The following TENM3 variants were observed in gnomAD, a reference collection of about 807,000 sequenced individuals.
TENM3 encodes teneurin-3.
TENM3 carries 63 observed loss-of-function variants against 255.1 expected under a neutral mutation model. The ratio of observed to expected loss-of-function variants is 0.25; its 90% CI spans 0.20 to 0.30. TENM3 has a LOEUF of 0.30. Ranked by LOEUF, TENM3 falls within the 10% of genes least tolerant of loss-of-function variation. The probability of loss-of-function intolerance (pLI) is 1.00; values close to 1 mark genes in which losing one functional copy is unlikely to be tolerated. For missense variants in TENM3, 2,929 were observed against 3,461.1 expected (o/e 0.85, Z 3.86); for synonymous variants, 1,306 against 1,322.3 (o/e 0.99, Z 0.27).
the TENM3 span, among the ~76,000 whole-genome samples, chr4:182,018,265 C>G: frequency 6.6e-6 from 1 of 152,166 alleles, no homozygotes; most frequent in African/African-American, 2.4e-5. Context: ...GCCTTCTGTC[C>G]TCTATAGCCA....
intron 6 of TENM3, among the ~76,000 whole-genome samples, chr4:182,672,044 C>T (rs932567231): frequency 6.6e-6 from 1 of 152,152 alleles, no homozygotes; most frequent in African/African-American, 2.4e-5. Context: ...GTTCCTCAGC[C>T]TTCTGGACCC....
intron 3 of TENM3, among the ~76,000 whole-genome samples, chr4:182,360,027 G>A (rs865970827): frequency 1.7e-4 from 26 of 152,166 alleles, no homozygotes; most frequent in East Asian, 3.9e-4. Flanking sequence ...GGAGTTGAGC[G>A]GTTTTGAGTG....
At chr4:181,753,916 G>A in the TENM3 span, among the ~76,000 whole-genome samples, 3 of 152,124 alleles carry the variant, frequency 2.0e-5, no homozygotes, top group African/African-American at 7.2e-5. Flanking sequence ...TTCCTCAGCC[G>A]GCAGGCAACA....
chr4:182,552,977 T>G (rs1401456461), intron 3 of TENM3, among the ~76,000 whole-genome samples: 1 of 152,184 alleles, frequency 6.6e-6, no homozygotes, highest in African/African-American at 2.4e-5. Context: ...GAGCCAACAC[T>G]TGGTTCCGGG....
intron 3 of TENM3, among the ~76,000 whole-genome samples, chr4:182,473,994 T>C (rs1733418008): frequency 6.6e-6 from 1 of 152,160 alleles, no homozygotes; most frequent in Non-Finnish European, 1.5e-5. Flanking sequence ...TAAAATTGTA[T>C]TGGAAATGTA....
At chr4:182,293,631 T>C (rs11732243) in intron 1 of TENM3, among the ~76,000 whole-genome samples, 35,930 of 152,012 alleles carry the variant, frequency 0.24, 4,986 homozygotes, top group African/African-American at 0.37. Context: ...GGTATTCTGG[T>C]ACCCTCTGAC....
chr4:182,459,817 T>C (rs1248222439), intron 3 of TENM3, among the ~76,000 whole-genome samples: 1 of 152,176 alleles, frequency 6.6e-6, no homozygotes, highest in Admixed American at 6.5e-5. Flanking sequence ...TTTTCAGGAG[T>C]TGGGCATCAG....
the TENM3 span, among the ~76,000 whole-genome samples, chr4:182,043,302 C>T: frequency 6.6e-6 from 1 of 152,170 alleles, no homozygotes; most frequent in African/African-American, 2.4e-5. Context: ...AAAGGTGAGA[C>T]TTTCACGTTA....
chr4:182,633,735 A>G (rs948833681), intron 5 of TENM3, among the ~76,000 whole-genome samples: 8 of 152,240 alleles, frequency 5.3e-5, no homozygotes, highest in Non-Finnish European at 8.8e-5. Context: ...TCTGTGGCTT[A>G]GAGAGATGGC....
In TENM3 at chr4:182,526,250, G is replaced by T. The variant is rs559519113; in HGVS notation, c.512-74674G>T. Among the ~76,000 whole-genome samples the T allele has an allele frequency of 2.4e-4, 36 of 152,070 alleles. No homozygotes were observed. In the South Asian group the frequency reaches 7.5e-3, roughly 32 times the overall value. On this transcript the variant is annotated intron_variant, in intron 3 of 27. Transcript: ENST00000511685. ...CCACCTCAGCCTCCCAAAGTGCTGG[G>T]ATTACAGGCGTGAGCCACCGCGCCC... is the stretch of plus-strand genomic sequence containing the variant.
rs1017500318 is a variant in TENM3 at position 182,723,002 on chromosome 4, A to T, written c.2369-5963A>T. Among the ~76,000 whole-genome samples, 3 of 152,292 alleles carry T rather than the reference A, an allele frequency of 2.0e-5. 1 individual carries two copies. On this transcript the variant is annotated intron_variant, in intron 13 of 27. Transcript: ENST00000511685. ...GGTGGAACCATTCATTGAAATAGGAAATTGAGCAGCAGCGTATTTGGAGGA... is the reference window on the plus strand; with the variant it reads ...GGTGGAACCATTCATTGAAATAGGATATTGAGCAGCAGCGTATTTGGAGGA...
intron 4 of TENM3, among the ~76,000 whole-genome samples, chr4:182,621,701 ATAAAATATATAATATATAT>A (rs1750214559): frequency 1.5e-3 from 1 of 650 alleles, no homozygotes; most frequent in African/African-American, 1.7e-3. Context: ...TATATTATAT[ATAAAATATATAATATATAT>A]TATATATAAA....
chr4:182,797,103 G>C (rs1766547081), intron 27 of TENM3, among the ~76,000 whole-genome samples: 1 of 152,146 alleles, frequency 6.6e-6, no homozygotes, highest in Non-Finnish European at 1.5e-5. Context: ...TTACAAATTA[G>C]CAAACCACAA....
intron 22 of TENM3, among the ~76,000 whole-genome samples, chr4:182,761,994 A>G (rs901042289): frequency 1.3e-5 from 2 of 152,240 alleles, no homozygotes; most frequent in South Asian, 4.1e-4. Flanking sequence ...TTTTATTAAT[A>G]CTTGATCTAT....
At chr4:181,852,499 A>T in the TENM3 span, among the ~76,000 whole-genome samples, 1 of 152,174 alleles carries the variant, frequency 6.6e-6, no homozygotes, top group Non-Finnish European at 1.5e-5. Flanking sequence ...TCAAAAAACA[A>T]AATCTGGCCT....
the TENM3 span, among the ~76,000 whole-genome samples, chr4:181,642,322 GT>G: frequency 7.2e-4 from 110 of 152,096 alleles, no homozygotes; most frequent in African/African-American, 2.5e-3. Flanking sequence ...GGGGTGGTTA[GT>G]TTTTTTCTTG....
intron 1 of TENM3, among the ~76,000 whole-genome samples, chr4:182,284,111 TTTAA>T (rs1362156466): frequency 2.6e-5 from 4 of 152,098 alleles, no homozygotes; most frequent in South Asian, 4.1e-4. Flanking sequence ...CATGAGAGAG[TTTAA>T]TTAAAGTAAA....
intron 3 of TENM3, among the ~76,000 whole-genome samples, chr4:182,460,096 G>C (rs1774217871): frequency 6.6e-6 from 1 of 152,054 alleles, no homozygotes; most frequent in Non-Finnish European, 1.5e-5. Flanking sequence ...CCACTTGAAG[G>C]TTTTATTAAC....
chr4:181,545,768 C>T, the TENM3 span, among the ~76,000 whole-genome samples: 1 of 152,076 alleles, frequency 6.6e-6, no homozygotes, highest in Non-Finnish European at 1.5e-5. Flanking sequence ...GAAAGAAATT[C>T]AGCATGTGTA....
Sources: allele counts gnomAD v4.1 joint callset (sites outside exome capture counted in the v4.1 genomes callset), GRCh38; gene constraint gnomAD v4.1.1; transcripts MANE v1.5; gene names NCBI Gene and HGNC (gene_info 2026-07-23, HGNC 2026-07-21).